The following CACNA2D4 variants were observed in gnomAD, a reference collection of about 807,000 sequenced individuals.
CACNA2D4 encodes the protein calcium voltage-gated channel auxiliary subunit alpha2delta 4.
In CACNA2D4, 157 loss-of-function variants were observed where a neutral mutation model predicts 163.8. The ratio of observed to expected loss-of-function variants is 0.96; its 90% CI spans 0.84 to 1.09. The LOEUF (loss-of-function observed/expected upper bound fraction) is 1.09, where lower values mean the gene tolerates loss of function less well. CACNA2D4 is among the 50% of genes least tolerant of loss of function. CACNA2D4 has a pLI of 0.00. For missense variants in CACNA2D4, 1,410 were observed against 1,479.9 expected (o/e 0.95, Z 0.78); for synonymous variants, 598 against 586.9 (o/e 1.02, Z -0.27).
chr12:1,854,066 A>G, intron 22 of CACNA2D4, 22 bp from the exon 23 acceptor site: 1 of 1,569,198 alleles, frequency 6.4e-7, no homozygotes, highest in South Asian at 1.1e-5. Flanking sequence ...ACATCAGGGA[A>G]CCAGGCCACA....
At chr12:1,801,322 T>C (rs1305841020) in intron 30 of CACNA2D4, among the ~76,000 whole-genome samples, 1 of 152,222 alleles carries the variant, frequency 6.6e-6, no homozygotes, top group Non-Finnish European at 1.5e-5. Flanking sequence ...CAAATGGCTT[T>C]TGCCCTCGGA....
At position 1,792,097 on chromosome 12, in the gene CACNA2D4, C is replaced by G. The variant is rs1341591445; in HGVS notation, c.*1558G>C. On this transcript the variant is annotated 3_prime_UTR_variant, in exon 38 of 38. Coordinates refer to ENST00000382722, the MANE Select transcript of CACNA2D4 (RefSeq NM_172364.5). The stretch of plus-strand genomic sequence containing the variant: ...GCAATTTTCAACTCTGCTGCAGTTT[C>G]TATAACATGGGACTAATGATAGTAC... 1 of 152,222 alleles carries G rather than the reference C, an allele frequency of 6.6e-6. No homozygotes were observed. The highest frequency in any genetic ancestry group is 1.5e-5 in the Non-Finnish European group (1 of 68,040). 9.4% of individuals were successfully genotyped at this position (152,222 alleles called of 1,614,324 possible). A position where few individuals can be genotyped will look rare whatever the true frequency, so the allele number is the denominator to read the frequency against.
intron 19 of CACNA2D4, among the ~76,000 whole-genome samples, chr12:1,859,138 T>C (rs1041776416): frequency 6.6e-6 from 1 of 152,140 alleles, no homozygotes; most frequent in African/African-American, 2.4e-5. Context: ...AAATTGTGAT[T>C]AAATTGGTCT....
chr12:1,905,946 T>C (rs1029372114), intron 6 of CACNA2D4, among the ~76,000 whole-genome samples: 3 of 152,098 alleles, frequency 2.0e-5, no homozygotes, highest in African/African-American at 7.2e-5. Context: ...AAAGCTACAG[T>C]AATCAAAACA....
intron 37 of CACNA2D4, chr12:1,795,054 C>T: frequency 1.7e-6 from 1 of 581,152 alleles, no homozygotes; most frequent in Non-Finnish European, 3.1e-6. Context: ...CACCTATCAC[C>T]CTAATCAGGA....
At chr12:1,907,722 C>A (rs998229732) in intron 5 of CACNA2D4, among the ~76,000 whole-genome samples, 151 bp from the exon 6 acceptor site, 1 of 128,682 alleles carries the variant, frequency 7.8e-6, no homozygotes, top group African/African-American at 3.1e-5. Flanking sequence ...TGGTGGACGG[C>A]CTGGTGGGCG....
intron 29 of CACNA2D4, among the ~76,000 whole-genome samples, chr12:1,803,505 T>G (rs1386888396): frequency 6.6e-6 from 1 of 152,244 alleles, no homozygotes; most frequent in African/African-American, 2.4e-5. Flanking sequence ...ACATAGTCCT[T>G]ACATCCTACA....
rs778160658 is a variant in CACNA2D4, at chr12:1,844,211, G to A, written c.2470+191C>T. Reference sequence around the variant, plus strand: ...GGCTCACCTTCAGCGTGGGACCTGTGGTGTGGGAAGGTGCCAATGAGCTTT... The same window carrying A: ...GGCTCACCTTCAGCGTGGGACCTGTAGTGTGGGAAGGTGCCAATGAGCTTT... On this transcript the variant is annotated intron_variant, in intron 25 of 37. Coordinates refer to ENST00000382722, the MANE Select transcript of CACNA2D4 (RefSeq NM_172364.5). This position sits in a 1 kb window ranked among gnomAD's most constrained non-coding sequence, Gnocchi z 4.2. Among the ~76,000 whole-genome samples, 7 of 152,274 alleles carry A rather than the reference G, an allele frequency of 4.6e-5. No homozygotes were observed. Among genetic ancestry groups the A allele is most frequent in the Admixed American group, 6.5e-5 (1 of 15,304 alleles).
Position 1,915,132 on chromosome 12 carries a change from C to A in CACNA2D4, c.228-197G>T, listed in dbSNP as rs560892003. On this transcript the variant is annotated intron_variant, in intron 1 of 37. Transcript: ENST00000382722. ...ACACGTACACACACATACATACCCC[C>A]CACACACATGCATATGCATACACAC... The A allele has an allele frequency of 1.6e-3, 1,099 of 704,254 alleles. 13 individuals carry two copies. The highest frequency in any genetic ancestry group is 5.3e-4 in the Non-Finnish European group (203 of 385,048). The allele number at this position is 704,254 out of a possible 1,614,324, so 43.6% of individuals were successfully genotyped here.
At chr12:1,794,747 C>CA (rs1248664093) in intron 37 of CACNA2D4, among the ~76,000 whole-genome samples, 2 of 152,254 alleles carry the variant, frequency 1.3e-5, no homozygotes, top group African/African-American at 4.8e-5. Flanking sequence ...ACTCTCCAAA[C>CA]ACAGTGGCTC....
intron 14 of CACNA2D4, 79 bp downstream of exon 14, chr12:1,879,725 A>G (rs1247372118): frequency 1.6e-6 from 2 of 1,218,752 alleles, no homozygotes; most frequent in Non-Finnish European, 2.4e-6. Context: ...CAGCCAAGTC[A>G]AGAATCACTG....
rs534114825 is a variant in CACNA2D4 at position 1,798,265 on chromosome 12, G to C, written c.2996-730C>G. 3.9e-5 allele frequency among the ~76,000 whole-genome samples: 6 copies of C among 152,294 alleles called. No individual in the cohort carries two copies. In the East Asian group the frequency reaches 1.2e-3, roughly 29 times the overall value. ...CCTGAGGTGGGCACATGGCAGAGCA[G>C]GGCCCTGCCACACAGGCTGTCTGCA... On this transcript the variant is annotated intron_variant, in intron 34 of 37. Coordinates refer to ENST00000382722, the MANE Select transcript of CACNA2D4 (RefSeq NM_172364.5). This position sits in a 1 kb window ranked among gnomAD's most constrained non-coding sequence, Gnocchi z 4.3.
chr12:1,908,089 G>C, intron 4 of CACNA2D4, 52 bp from the exon 5 acceptor site: 1 of 1,550,494 alleles, frequency 6.4e-7, no homozygotes, highest in South Asian at 1.2e-5. Context: ...CGGGACAGGC[G>C]GAGAGAGAGG....
intron 6 of CACNA2D4, among the ~76,000 whole-genome samples, chr12:1,894,216 T>C (rs957878060): frequency 1.1e-4 from 16 of 151,964 alleles, no homozygotes; most frequent in Admixed American, 4.6e-4. Context: ...AACAGACCAA[T>C]AACACATAAT....
chr12:1,835,546 C>T (rs942596179), intron 26 of CACNA2D4: 2 of 152,648 alleles, frequency 1.3e-5, no homozygotes, highest in African/African-American at 4.8e-5. Flanking sequence ...CGCGTGCTCA[C>T]TGCAATCTTC....
intron 27 of CACNA2D4, among the ~76,000 whole-genome samples, chr12:1,810,839 C>T (rs1452777069): frequency 3.9e-5 from 6 of 152,046 alleles, no homozygotes; most frequent in Admixed American, 6.6e-5. Flanking sequence ...AGGGCACATG[C>T]GTGTGGTGTG....
At chr12:1,872,087 C>T (rs1156344555) in intron 18 of CACNA2D4, among the ~76,000 whole-genome samples, 1 of 152,166 alleles carries the variant, frequency 6.6e-6, no homozygotes, top group African/African-American at 2.4e-5. Flanking sequence ...AATGGGAGGC[C>T]CGCCAGCCAA....
chr12:1,844,700 A>T lies in CACNA2D4; in HGVS notation c.2343-171T>A, dbSNP rs2286375. 6.6e-6 allele frequency among the ~76,000 whole-genome samples: 1 copy of T among 152,194 alleles called. No homozygotes were observed. Among genetic ancestry groups the T allele is most frequent in the African/African-American group, 2.4e-5 (1 of 41,440 alleles). On this transcript the variant is annotated intron_variant, in intron 24 of 37. Transcript: ENST00000382722. This position sits in a 1 kb window ranked among gnomAD's most constrained non-coding sequence, Gnocchi z 4.2. ...CAATTCTCGCCTTTTCCAGAAACAA[A>T]ACGATGTCATGTTGCATCTAGCTAG... is the stretch of plus-strand genomic sequence containing the variant.
intron 26 of CACNA2D4, among the ~76,000 whole-genome samples, chr12:1,815,173 T>G (rs781254626): frequency 1.4e-4 from 21 of 152,344 alleles, no homozygotes; most frequent in South Asian, 1.0e-3. Flanking sequence ...ACTACAGGCG[T>G]GAGTCATTAT....
Sources: allele counts gnomAD v4.1 joint callset (sites outside exome capture counted in the v4.1 genomes callset), GRCh38; gene constraint gnomAD v4.1.1; non-coding constraint Gnocchi (gnomAD v3.1); transcripts MANE v1.5; gene names NCBI Gene and HGNC (gene_info 2026-07-23, HGNC 2026-07-21).